Variants in XKR6 observed in about 807,000 individuals in gnomAD.
XKR6 encodes XK related 6, also known as XK-related protein 6.
A neutral mutation model predicts 56.7 loss-of-function variants in XKR6; 22 were observed. The ratio of observed to expected loss-of-function variants is 0.39; its 90% CI spans 0.28 to 0.55. The LOEUF (loss-of-function observed/expected upper bound fraction) is 0.55, where lower values mean the gene tolerates loss of function less well. Ranked by LOEUF, XKR6 falls within the 20% of genes least tolerant of loss-of-function variation. XKR6 has a pLI of 0.66. For missense variants in XKR6, 852 were observed against 889.0 expected (o/e 0.96, Z 0.53); for synonymous variants, 524 against 387.8 (o/e 1.35, Z -4.13).
At chr8:11,055,690 C>A (rs1400283671) in intron 1 of XKR6, among the ~76,000 whole-genome samples, 1 of 152,204 alleles carries the variant, frequency 6.6e-6, no homozygotes, top group Non-Finnish European at 1.5e-5. Flanking sequence ...CTGGATTCAC[C>A]TAGGACTTTG....
chr8:11,157,113 C>T (rs1432784496), intron 1 of XKR6, among the ~76,000 whole-genome samples: 1 of 152,088 alleles, frequency 6.6e-6, no homozygotes, highest in Non-Finnish European at 1.5e-5. Flanking sequence ...TCATACTAAC[C>T]CAAATTGACA....
At chr8:11,197,017 G>T (rs67633260) in intron 1 of XKR6, among the ~76,000 whole-genome samples, 20 of 152,134 alleles carry the variant, frequency 1.3e-4, no homozygotes, top group African/African-American at 4.8e-4. Flanking sequence ...TCTCAAATCA[G>T]AAAACAACGC....
chr8:10,991,585 T>C (rs547341944), intron 1 of XKR6, among the ~76,000 whole-genome samples: 1 of 152,278 alleles, frequency 6.6e-6, no homozygotes, highest in Non-Finnish European at 1.5e-5. Context: ...CAAATCAATA[T>C]AAAAGCATAC....
chr8:11,199,122 G>A (rs1804055101), intron 1 of XKR6, among the ~76,000 whole-genome samples: 1 of 152,064 alleles, frequency 6.6e-6, no homozygotes, highest in Non-Finnish European at 1.5e-5. Context: ...TTATCAGCAG[G>A]AAACAAATTA....
intron 1 of XKR6, among the ~76,000 whole-genome samples, chr8:10,965,247 C>T (rs1802183778): frequency 6.6e-6 from 1 of 152,250 alleles, no homozygotes; most frequent in African/African-American, 2.4e-5. Flanking sequence ...CTCATCTGAG[C>T]TCTGGCAAGC....
chr8:10,981,567 T>C (rs1230537962), intron 1 of XKR6, among the ~76,000 whole-genome samples: 1 of 152,198 alleles, frequency 6.6e-6, no homozygotes, highest in East Asian at 1.9e-4. Context: ...ATTTTCTAAA[T>C]GTAAAAATTA....
At chr8:10,907,904 G>A (rs975050402) in intron 2 of XKR6, among the ~76,000 whole-genome samples, 2 of 152,144 alleles carry the variant, frequency 1.3e-5, no homozygotes, top group African/African-American at 4.8e-5. Context: ...CTGAATTGCC[G>A]GAATGGCCTC....
chr8:11,040,940 G>T (rs905671270), intron 1 of XKR6, among the ~76,000 whole-genome samples: 2 of 152,140 alleles, frequency 1.3e-5, no homozygotes, highest in Non-Finnish European at 2.9e-5. Flanking sequence ...CCAGAAGCAG[G>T]TATCTACGTA....
intron 1 of XKR6, chr8:11,106,558 T>C (rs1798683112): frequency 6.6e-6 from 1 of 152,466 alleles, no homozygotes; most frequent in Non-Finnish European, 1.5e-5. Context: ...ACCTTTAAGA[T>C]ACAATGCTGG....
At chr8:10,924,975 T>C (rs1251473295) in intron 1 of XKR6, 145 bp from the exon 2 acceptor site, 4 of 872,864 alleles carry the variant, frequency 4.6e-6, no homozygotes. Context: ...GACGGGGCTC[T>C]GGGGGGCTCC....
intron 1 of XKR6, among the ~76,000 whole-genome samples, chr8:11,004,797 A>G (rs746815551): frequency 6.6e-6 from 1 of 152,260 alleles, no homozygotes; most frequent in Non-Finnish European, 1.5e-5. Context: ...CCAAGTGTCC[A>G]TCAAACAATG....
At chr8:11,196,492 AC>A (rs1325287689) in intron 1 of XKR6, among the ~76,000 whole-genome samples, 3 of 152,348 alleles carry the variant, frequency 2.0e-5, no homozygotes, top group Non-Finnish European at 4.4e-5. Flanking sequence ...ATTAGTGCAT[AC>A]CCTTGAGTAC....
intron 2 of XKR6, among the ~76,000 whole-genome samples, chr8:10,921,999 C>T (rs374954399): frequency 6.6e-6 from 1 of 152,342 alleles, no homozygotes; most frequent in Non-Finnish European, 1.5e-5. Context: ...AGGCTTCATA[C>T]AGCATGCAGC....
intron 1 of XKR6, chr8:11,194,303 CAG>C (rs1392150517): frequency 6.6e-6 from 1 of 152,172 alleles, no homozygotes; most frequent in Non-Finnish European, 1.5e-5. Context: ...TTGTAACTTG[CAG>C]AGTGAGAAAC....
chr8:11,084,280 G>A (rs914823003), intron 1 of XKR6, among the ~76,000 whole-genome samples: 2 of 152,226 alleles, frequency 1.3e-5, no homozygotes, highest in Middle Eastern at 3.2e-3. Context: ...CGCCATCTGC[G>A]TACACTGCTC....
chr8:10,951,298 T>TGGG (rs758861550), intron 1 of XKR6, among the ~76,000 whole-genome samples: 18 of 84,746 alleles, frequency 2.1e-4, no homozygotes, highest in African/African-American at 5.5e-4. Context: ...TGTGTGTGTG[T>TGGG]GGGGGGGGGG....
At chr8:11,069,889 G>A (rs147516887) in intron 1 of XKR6, among the ~76,000 whole-genome samples, 2 of 152,196 alleles carry the variant, frequency 1.3e-5, no homozygotes, top group African/African-American at 2.4e-5. Context: ...AACTATCGGA[G>A]TCAACCTTGG....
At chr8:11,197,475 C>T (rs998039990) in intron 1 of XKR6, among the ~76,000 whole-genome samples, 1 of 152,210 alleles carries the variant, frequency 6.6e-6, no homozygotes, top group African/African-American at 2.4e-5. Context: ...TCTCTATTAA[C>T]AACACATTGT....
intron 2 of XKR6, among the ~76,000 whole-genome samples, chr8:10,912,466 TA>T (rs1800420937): frequency 2.0e-5 from 2 of 98,288 alleles, no homozygotes; most frequent in African/African-American, 7.9e-5. Context: ...TATATATATA[TA>T]GAGAGAGAGA....
Sources: gnomAD v4.1 joint callset for allele counts (sites outside exome capture counted in the v4.1 genomes callset) on GRCh38, gnomAD v4.1.1 for gene constraint, MANE v1.5 for transcripts, NCBI Gene and HGNC (gene_info 2026-07-23, HGNC 2026-07-21) for gene names.